Variants in SH3PXD2A observed in about 807,000 individuals in gnomAD.
SH3PXD2A encodes the protein SH3 and PX domain-containing protein 2A.
A neutral mutation model predicts 115.2 loss-of-function variants in SH3PXD2A; 32 were observed. The observed-to-expected ratio is 0.28, with a 90% confidence interval of 0.21 to 0.37. The LOEUF (loss-of-function observed/expected upper bound fraction) is 0.37, where lower values mean the gene tolerates loss of function less well. SH3PXD2A is among the 10% of genes least tolerant of loss of function. The pLI, the probability that SH3PXD2A is intolerant of heterozygous loss-of-function variation, is 1.00. For missense variants in SH3PXD2A, 1,328 were observed against 1,498.7 expected, an observed-to-expected ratio of 0.89 and a Z score of 1.88; for synonymous variants, 610 against 629.1, an observed-to-expected ratio of 0.97 and a Z score of 0.45.
chr10:103,842,119 C>T (rs2039606417), intron 1 of SH3PXD2A, among the ~76,000 whole-genome samples: 1 of 118,676 alleles, frequency 8.4e-6, no homozygotes, highest in Non-Finnish European at 1.7e-5. Context: ...AGCGAGACTC[C>T]GTCTCAAAAA....
chr10:103,731,456 C>T (rs959962345), intron 4 of SH3PXD2A, among the ~76,000 whole-genome samples: 22 of 152,254 alleles, frequency 1.4e-4, no homozygotes, highest in African/African-American at 5.1e-4. Context: ...CCACTGTGCC[C>T]GGGCCTCTGA....
chr10:103,808,329 G>A (rs1433675152), intron 1 of SH3PXD2A, among the ~76,000 whole-genome samples: 2 of 151,498 alleles, frequency 1.3e-5, no homozygotes, highest in Non-Finnish European at 2.9e-5. Context: ...TCAGCTCACT[G>A]CAACCTCCGC....
At chr10:103,701,559 T>TC (rs2134143688) in intron 5 of SH3PXD2A, among the ~76,000 whole-genome samples, 1 of 134,480 alleles carries the variant, frequency 7.4e-6, no homozygotes, top group South Asian at 2.7e-4. Context: ...TACCCATCCA[T>TC]CATCTATCCA....
chr10:103,697,074 G>A (rs557936685), intron 5 of SH3PXD2A, among the ~76,000 whole-genome samples: 1 of 152,248 alleles, frequency 6.6e-6, no homozygotes, highest in East Asian at 1.9e-4. Flanking sequence ...GATGATGCAA[G>A]CTATGTTTGG....
intron 5 of SH3PXD2A, among the ~76,000 whole-genome samples, chr10:103,719,562 A>G (rs2038152684): frequency 6.6e-6 from 1 of 152,176 alleles, no homozygotes. Flanking sequence ...CTGGGGATAC[A>G]GCTGTGAACA....
In SH3PXD2A at chr10:103,686,829, C is replaced by T. The variant is rs193150130; in HGVS notation, c.427+6199G>A. On this transcript the variant is annotated intron_variant, in intron 6 of 14. Coordinates refer to ENST00000369774, the MANE Select transcript of SH3PXD2A (RefSeq NM_001394015.1). ...ATGGCATGATCTCGGCTCACTGCAACCTCCACCTCCTGGGTTCAAGATTCT... is the reference window on the plus strand; with the variant it reads ...ATGGCATGATCTCGGCTCACTGCAATCTCCACCTCCTGGGTTCAAGATTCT... Among the ~76,000 whole-genome samples the T allele has an allele frequency of 4.0e-3, 596 of 149,638 alleles. 2 individuals are homozygous for T. Among genetic ancestry groups the T allele is most frequent in the Non-Finnish European group, 6.4e-3 (430 of 67,708 alleles).
chr10:103,795,951 G>A lies in SH3PXD2A; in HGVS notation c.153+5331C>T, dbSNP rs140716830. On this transcript the variant is annotated intron_variant, in intron 2 of 14. Transcript: ENST00000369774. ...GGAAGGCAGGAAGGAAGGAAGGAAG[G>A]AAGGAAACCAGAGACATATTTTACC... Among the ~76,000 whole-genome samples, 821 of 148,400 alleles carry A rather than the reference G, an allele frequency of 5.5e-3. 6 individuals carry two copies. The highest frequency in any genetic ancestry group is 0.019 in the African/African-American group (756 of 40,444).
chr10:103,617,112 C>A (rs757942725), intron 11 of SH3PXD2A, 85 bp downstream of exon 11: 13 of 864,270 alleles, frequency 1.5e-5, no homozygotes, highest in African/African-American at 3.3e-5. Flanking sequence ...ATCTACCTGC[C>A]ATCAGGTGGC....
At position 103,725,608 on chromosome 10, in the gene SH3PXD2A, C is replaced by G. The variant is rs917540105; in HGVS notation, c.307-1247G>C. ...TTGGGAGGCCGAGGTGGGCAGATCA[C>G]TTGAGGTCAGGAGTTGGAGACCAGC... On this transcript the variant is annotated intron_variant, in intron 4 of 14. Coordinates refer to ENST00000369774, the MANE Select transcript of SH3PXD2A (RefSeq NM_001394015.1). 1.3e-4 allele frequency among the ~76,000 whole-genome samples: 20 copies of G among 152,110 alleles called. 1 individual carries two copies. Among genetic ancestry groups the G allele is most frequent in the Non-Finnish European group, 2.9e-4 (20 of 68,010 alleles).
intron 6 of SH3PXD2A, among the ~76,000 whole-genome samples, chr10:103,669,493 G>A (rs1159010729): frequency 6.6e-6 from 1 of 152,246 alleles, no homozygotes; most frequent in Non-Finnish European, 1.5e-5. Flanking sequence ...TCAATGGTTT[G>A]CGTATTTCTA....
At position 103,622,434 on chromosome 10, in the gene SH3PXD2A, C is replaced by T. The variant is rs193280335; in HGVS notation, c.802+36G>A. 3.2e-4 allele frequency: 439 copies of T among 1,368,794 alleles called. 1 individual carries two copies. The highest frequency in any genetic ancestry group is 6.3e-4 in the Admixed American group (32 of 50,652). The allele number at this position is 1,368,794 out of a possible 1,614,324, so 84.8% of individuals were successfully genotyped here. On this transcript the variant is annotated intron_variant, in intron 10 of 14. Transcript: ENST00000369774. ...GCAGTGTTAGCGAGAGACAGGCGGT[C>T]GCTGCGAGGGAGGAGAAGCCAGCTC...
At chr10:103,613,222 G>T in intron 11 of SH3PXD2A, 32 bp from the exon 12 acceptor site, 1 of 1,513,572 alleles carries the variant, frequency 6.6e-7, no homozygotes, top group Non-Finnish European at 8.9e-7. Flanking sequence ...GCTATCATTA[G>T]AGCACTCTGA....
At chr10:103,825,166 T>G (rs2039417805) in intron 1 of SH3PXD2A, among the ~76,000 whole-genome samples, 1 of 152,184 alleles carries the variant, frequency 6.6e-6, no homozygotes, top group African/African-American at 2.4e-5. Context: ...ATCCCTAGGA[T>G]TTGGAGAGGC....
chr10:103,823,137 A>G (rs2039397745), intron 1 of SH3PXD2A, among the ~76,000 whole-genome samples: 1 of 152,232 alleles, frequency 6.6e-6, no homozygotes, highest in Non-Finnish European at 1.5e-5. Context: ...ATGTTCAAAG[A>G]TGTTTTTGGC....
intron 8 of SH3PXD2A, among the ~76,000 whole-genome samples, chr10:103,638,700 C>G (rs1295022685): frequency 6.6e-6 from 1 of 152,214 alleles, no homozygotes; most frequent in African/African-American, 2.4e-5. Flanking sequence ...AGGAGCTAAT[C>G]CTTGAAAAGC....
intron 2 of SH3PXD2A, among the ~76,000 whole-genome samples, chr10:103,793,330 GT>G (rs549523083): frequency 1.7e-4 from 26 of 151,186 alleles, no homozygotes; most frequent in African/African-American, 4.6e-4. Context: ...TTGTTCTTGG[GT>G]TTTTTTTTAT....
At chr10:103,696,693 A>G (rs542701958) in intron 5 of SH3PXD2A, among the ~76,000 whole-genome samples, 86 of 152,322 alleles carry the variant, frequency 5.6e-4, no homozygotes, top group South Asian at 4.1e-3. Flanking sequence ...GGGCGGGGCT[A>G]GCATCTCCCT....
At chr10:103,703,680 G>A (rs577970360) in intron 5 of SH3PXD2A, among the ~76,000 whole-genome samples, 4 of 152,316 alleles carry the variant, frequency 2.6e-5, no homozygotes, top group South Asian at 2.1e-4. Flanking sequence ...CCACAGTGGC[G>A]CTGAGCACTC....
At chr10:103,776,436 C>CTGTGTGTGTGTG (rs34034863) in intron 2 of SH3PXD2A, among the ~76,000 whole-genome samples, 93 of 125,120 alleles carry the variant, frequency 7.4e-4, no homozygotes, top group African/African-American at 1.0e-3. Flanking sequence ...GTGTGTGTGT[C>CTGTGTGTGTGTG]TGTGTGTGTG....
Sources: allele counts gnomAD v4.1 joint callset (sites outside exome capture counted in the v4.1 genomes callset), GRCh38; gene constraint gnomAD v4.1.1; transcripts MANE v1.5; gene names NCBI Gene and HGNC (gene_info 2026-07-23, HGNC 2026-07-21).